The following CYB5R2 variants were observed in gnomAD, a reference collection of about 807,000 sequenced individuals.
The protein encoded by CYB5R2 is cytochrome b5 reductase 2, also known as NADH-cytochrome b5 reductase 2.
A neutral mutation model predicts 29.8 loss-of-function variants in CYB5R2; 35 were observed. That is an observed-to-expected ratio of 1.17 (90% CI 0.90 to 1.56). The LOEUF (loss-of-function observed/expected upper bound fraction) is 1.56, where lower values mean the gene tolerates loss of function less well. Ranked by LOEUF, CYB5R2 falls within the 40% of genes most tolerant of loss-of-function variation. CYB5R2 has a pLI of 0.00. For synonymous variants in CYB5R2, 169 were observed against 130.6 expected (o/e 1.29, Z -2.01); for missense variants, 419 against 346.7 (o/e 1.21, Z -1.66).
Position 7,666,495 on chromosome 11 carries a change from G to A in CYB5R2, c.614C>T (p.Pro205Leu), listed in dbSNP as rs760411189. 2 of 1,613,486 alleles carry A rather than the reference G, an allele frequency of 1.2e-6. No homozygotes were observed. Among genetic ancestry groups the A allele is most frequent in the East Asian group, 4.5e-5 (2 of 44,870 alleles). Reference sequence around the variant, plus strand: ...GGTGTACCACAGGTTGAACTGGTCTGGGTGAGTCCTGGCAATTTCTTCAAG... The same window carrying A: ...GGTGTACCACAGGTTGAACTGGTCTAGGTGAGTCCTGGCAATTTCTTCAAG... ...KELEEIARTH[P>L]DQFNLWYTLD... Residue 205 changes from proline to leucine, a missense_variant, in exon 8 of 9, where the codon CCA becomes CTA. Pro to Leu is a moderately conservative substitution (Grantham distance 98). Transcript: ENST00000299498.
rs1855023484 is a variant in CYB5R2 at position 7,665,146 on chromosome 11, T to C, written c.*228A>G. On this transcript the variant is annotated 3_prime_UTR_variant, in exon 9 of 9. Coordinates refer to ENST00000299498, the MANE Select transcript of CYB5R2 (RefSeq NM_016229.5). ...TATTTCACAAAACCACGGAGAAAGATACTGAAATGGAGCTCTTTCCAGCCT... is the reference window on the plus strand; with the variant it reads ...TATTTCACAAAACCACGGAGAAAGACACTGAAATGGAGCTCTTTCCAGCCT... The C allele has an allele frequency of 2.4e-6, 1 of 424,576 alleles. No individual in the cohort carries two copies. The highest frequency in any genetic ancestry group is 4.2e-6 in the Non-Finnish European group (1 of 239,772). The allele number at this position is 424,576 out of a possible 1,614,324, so 26.3% of individuals were successfully genotyped here.
chr11:7,673,458 A>G lies in CYB5R2; in HGVS notation c.-106T>C. ...CTGCTCCTCTCCCAACTCAAGCCCG[A>G]CAGGGAAAGTTGCCTCTCCTCCCGC... On this transcript the variant is annotated 5_prime_UTR_variant, in exon 1 of 9. Transcript: ENST00000299498. 1.0e-6 allele frequency: 1 copy of G among 986,248 alleles called. No individual in the cohort carries two copies. The highest frequency in any genetic ancestry group is 1.2e-6 in the Non-Finnish European group (1 of 830,602). The allele number at this position is 986,248 out of a possible 1,614,324, so 61.1% of individuals were successfully genotyped here.
At position 7,665,214 on chromosome 11, in the gene CYB5R2, C is replaced by A; in HGVS notation, c.*160G>T. ...AGCAGCCAGTCTCCAGCCCCTTGAG[C>A]CCTTTTTGTTAGGCCCACACCCAAA... On this transcript the variant is annotated 3_prime_UTR_variant, in exon 9 of 9. Coordinates refer to ENST00000299498, the MANE Select transcript of CYB5R2 (RefSeq NM_016229.5). The A allele has an allele frequency of 1.7e-6, 1 of 576,262 alleles. No individual in the cohort carries two copies. Among genetic ancestry groups the A allele is most frequent in the Non-Finnish European group, 2.9e-6 (1 of 343,582 alleles). The allele number at this position is 576,262 out of a possible 1,614,324, so 35.7% of individuals were successfully genotyped here. A position where few individuals can be genotyped will look rare whatever the true frequency, so the allele number is the denominator to read the frequency against.
intron 5 of CYB5R2, chr11:7,668,821 TAA>T: frequency 1.7e-6 from 1 of 588,054 alleles, no homozygotes; most frequent in South Asian, 2.0e-5. Context: ...AAGCTGAAGT[TAA>T]CACAGAGACT....
At chr11:7,668,456 G>A in intron 6 of CYB5R2, 22 bp downstream of exon 6, 1 of 1,577,582 alleles carries the variant, frequency 6.3e-7, no homozygotes, top group Non-Finnish European at 8.7e-7. Flanking sequence ...CTCTCTGGAT[G>A]GAGCCCCTAG....
intron 7 of CYB5R2, 33 bp from the exon 8 acceptor site, chr11:7,666,583 C>G (rs1565149796): frequency 2.0e-6 from 3 of 1,506,588 alleles, no homozygotes; most frequent in South Asian, 2.3e-5. Context: ...AAAGCCCCTC[C>G]AGGGCCATCC....
At chr11:7,665,574 C>CCTGAAA (rs750568558) in intron 8 of CYB5R2, 28 bp from the exon 9 acceptor site, 74 of 1,575,064 alleles carry the variant, frequency 4.7e-5, no homozygotes, top group Non-Finnish European at 5.5e-5. Flanking sequence ...CAGGAGCAAG[C>CCTGAAA]TGAGCGATGC....
At chr11:7,667,513 G>C (rs1855376929) in intron 7 of CYB5R2, 1 of 520,244 alleles carries the variant, frequency 1.9e-6, no homozygotes, top group African/African-American at 1.9e-5. Context: ...TAGTGCTTAG[G>C]GCTGGCTGAG....
At chr11:7,668,295 A>C (rs1478513217) in intron 6 of CYB5R2, among the ~76,000 whole-genome samples, 183 bp downstream of exon 6, 1 of 152,182 alleles carries the variant, frequency 6.6e-6, no homozygotes, top group East Asian at 1.9e-4. Flanking sequence ...AGCAGCCACC[A>C]TATTGGTTAG....
Position 7,672,444 on chromosome 11 carries a change from G to C in CYB5R2, c.151+7C>G, listed in dbSNP as rs750751977. 1.2e-6 allele frequency: 2 copies of C among 1,613,836 alleles called. No homozygotes were observed. The highest frequency in any genetic ancestry group is 2.7e-5 in the African/African-American group (2 of 75,032). ...CCAGTCCTGGTGATGACCCAAGCCC[G>C]GCTCACCTACAGGAAGCCCTAAGAC... On this transcript the variant is annotated splice_region_variant and intron_variant, in intron 3 of 8. Transcript: ENST00000299498.
chr11:7,667,154 G>A (rs1263796363), intron 7 of CYB5R2: 1 of 152,122 alleles, frequency 6.6e-6, no homozygotes, highest in African/African-American at 2.4e-5. Flanking sequence ...TTCTGTTTTA[G>A]AAAATAATCT....
At chr11:7,671,134 A>G (rs546192460) in intron 3 of CYB5R2, 1 of 152,376 alleles carries the variant, frequency 6.6e-6, no homozygotes, top group African/African-American at 2.4e-5. Context: ...GACTCTGGTC[A>G]TGGTCCCTCT....
chr11:7,668,748 G>T, intron 5 of CYB5R2, 187 bp from the exon 6 acceptor site: 1 of 632,404 alleles, frequency 1.6e-6, no homozygotes, highest in Non-Finnish European at 2.8e-6. Context: ...GCACAAAGTG[G>T]GAATAGAGCC....
At chr11:7,673,143 G>T in intron 1 of CYB5R2, 1 of 420,916 alleles carries the variant, frequency 2.4e-6, no homozygotes, top group East Asian at 5.7e-5. Flanking sequence ...AGCACACATG[G>T]CCTGGGGTGC....
intron 6 of CYB5R2, among the ~76,000 whole-genome samples, chr11:7,668,145 GCT>G (rs1216363813): frequency 6.6e-6 from 1 of 152,200 alleles, no homozygotes; most frequent in East Asian, 1.9e-4. Flanking sequence ...TTCAAAGACT[GCT>G]CTCTTTCTTC....
intron 8 of CYB5R2, chr11:7,665,771 G>A (rs1855111773): frequency 1.4e-6 from 2 of 1,423,788 alleles, no homozygotes; most frequent in Non-Finnish European, 1.9e-6. Flanking sequence ...CTGAAGCCCT[G>A]CTGCTGTCTG....
At chr11:7,674,012 GGCGCTGAGCCGTGGCGTCCTCGCTCCT>G, upstream of CYB5R2, 1 of 1,153,930 alleles carries the variant, frequency 8.7e-7, no homozygotes, top group Non-Finnish European at 1.1e-6. Flanking sequence ...AGGCTGGCGG[GGCGCTGAGCCGTGGCGTCCTCGCTCCT>G]GCGCTGCCCC....
intron 5 of CYB5R2, chr11:7,668,984 C>T (rs561217451): frequency 8.2e-5 from 56 of 681,622 alleles, no homozygotes; most frequent in South Asian, 7.8e-4. Flanking sequence ...GATACAATGA[C>T]GAGGAAACAC....
chr11:7,672,961 G>A (rs1855852003), intron 1 of CYB5R2, 70 bp from the exon 2 acceptor site: 6 of 1,448,870 alleles, frequency 4.1e-6, no homozygotes, highest in Middle Eastern at 2.2e-4. Context: ...CTCAGGCGCA[G>A]AACACCCTCC....
Sources: gnomAD v4.1 joint callset for allele counts (sites outside exome capture counted in the v4.1 genomes callset) on GRCh38, gnomAD v4.1.1 for gene constraint, MANE v1.5 for transcripts, NCBI Gene and HGNC (gene_info 2026-07-23, HGNC 2026-07-21) for gene names.